CDNF: variants seen among roughly 807,000 people sequenced by gnomAD.
CDNF encodes the protein cerebral dopamine neurotrophic factor, also known as ARMET-like protein 1.
CDNF carries 9 observed loss-of-function variants against 14.8 expected under a neutral mutation model. The ratio of observed to expected loss-of-function variants is 0.61; its 90% CI spans 0.37 to 1.06. The LOEUF (loss-of-function observed/expected upper bound fraction) is 1.06, where lower values mean the gene tolerates loss of function less well. Ranked by LOEUF, CDNF falls within the 50% of genes least tolerant of loss-of-function variation. CDNF has a pLI of 0.01. For synonymous variants in CDNF, 86 were observed against 87.2 expected (o/e 0.99, Z 0.07); for missense variants, 228 against 228.4 (o/e 1.00, Z 0.01).
At chr10:14,833,090 C>T (rs899570123) in intron 1 of CDNF, among the ~76,000 whole-genome samples, 2 of 151,872 alleles carry the variant, frequency 1.3e-5, no homozygotes, top group Admixed American at 6.6e-5. Flanking sequence ...TAACTCCTGA[C>T]CTTAGGTGAT....
intron 2 of CDNF, among the ~76,000 whole-genome samples, chr10:14,826,148 G>A (rs565412659): frequency 9.4e-5 from 14 of 149,410 alleles, no homozygotes; most frequent in Non-Finnish European, 1.3e-4. Context: ...AGAAGGAGAA[G>A]GAGAAGAAGA....
At chr10:14,829,931 G>A (rs775619732) in intron 1 of CDNF, among the ~76,000 whole-genome samples, 20 of 151,916 alleles carry the variant, frequency 1.3e-4, no homozygotes, top group Non-Finnish European at 2.4e-4. Flanking sequence ...CCCAGAGTAC[G>A]TTTCTATTTG....
chr10:14,825,713 G>A, intron 2 of CDNF, 93 bp from the exon 3 acceptor site: 2 of 1,385,416 alleles, frequency 1.4e-6, no homozygotes, highest in Non-Finnish European at 1.0e-6. Context: ...AGAAGAAAGA[G>A]GTAGGCTGGA....
At chr10:14,829,436 C>T (rs981828863) in intron 1 of CDNF, among the ~76,000 whole-genome samples, 1 of 152,200 alleles carries the variant, frequency 6.6e-6, no homozygotes, top group African/African-American at 2.4e-5. Context: ...CACAGTAAGA[C>T]TCTGTCTCTG....
chr10:14,834,938 G>C (rs575277832), intron 1 of CDNF, among the ~76,000 whole-genome samples: 1 of 152,172 alleles, frequency 6.6e-6, no homozygotes, highest in African/African-American at 2.4e-5. Flanking sequence ...TGAGTAAGGA[G>C]AAAGGAGCAG....
At chr10:14,836,363 GGACA>G (rs1353112616) in intron 1 of CDNF, 3 of 152,144 alleles carry the variant, frequency 2.0e-5, no homozygotes, top group Admixed American at 1.3e-4. Flanking sequence ...AATAAATTTA[GGACA>G]GACAGCATAA....
At position 14,828,167 on chromosome 10, in the gene CDNF, G is replaced by T; in HGVS notation, c.221C>A (p.Thr74Asn). The change falls in exon 2 of 4, where the codon ACC becomes AAC. Residue 74 changes from threonine to asparagine, a missense_variant. Coordinates refer to ENST00000465530, the MANE Select transcript of CDNF (RefSeq NM_001029954.3). The part of the protein sequence containing the change: ...EKELISFCLD[T>N]KGKENRLCYY... Reference sequence around the variant, plus strand: ...TACCAGGCGGTTTTCTTTTCCTTTGGTGTCCAAGCAAAAACTGATCAATTC... The same window carrying T: ...TACCAGGCGGTTTTCTTTTCCTTTGTTGTCCAAGCAAAAACTGATCAATTC... The T allele has an allele frequency of 1.2e-6, 2 of 1,614,016 alleles. No homozygotes were observed. The highest frequency in any genetic ancestry group is 2.2e-5 in the East Asian group (1 of 44,884).
intron 1 of CDNF, among the ~76,000 whole-genome samples, chr10:14,832,890 C>T (rs570477590): frequency 3.2e-4 from 38 of 119,666 alleles, no homozygotes; most frequent in African/African-American, 1.2e-3. Context: ...GACAGAATCT[C>T]GCTGTGTTGC....
chr10:14,826,095 A>C (rs11598216), intron 2 of CDNF, among the ~76,000 whole-genome samples: 5,403 of 85,594 alleles, frequency 0.063, 161 homozygotes, highest in South Asian at 0.097. Flanking sequence ...GAAGAAGAAG[A>C]AGCAGCAGCA....
rs776234682 is a variant in CDNF at position 14,825,621 on chromosome 10, C to A, written c.244-1G>T. ...CTTTTGTGGCTCCTAGATAATAGCACTGAAGGAAAATGAAGAGAATTGAGT... is the reference window on the plus strand; with the variant it reads ...CTTTTGTGGCTCCTAGATAATAGCAATGAAGGAAAATGAAGAGAATTGAGT... On this transcript the variant is annotated splice_acceptor_variant, in intron 2 of 3. Transcript: ENST00000465530. LOFTEE classifies it high-confidence loss of function. 27 of 1,613,196 alleles carry A rather than the reference C, an allele frequency of 1.7e-5. No individual in the cohort carries two copies. The highest frequency in any genetic ancestry group is 2.2e-5 in the Non-Finnish European group (26 of 1,179,666).
chr10:14,832,328 G>C lies in CDNF; in HGVS notation c.116-4056C>G, dbSNP rs565639088. On this transcript the variant is annotated intron_variant, in intron 1 of 3. Transcript: ENST00000465530. ...CCAGAAGGCCAGTGTGGCTAAAGTA[G>C]AGGGAGCAAGAGGGAGGTGTGTAGC... is the stretch of plus-strand genomic sequence containing the variant. 3.3e-5 allele frequency among the ~76,000 whole-genome samples: 5 copies of C among 152,358 alleles called. No individual in the cohort carries two copies. The South Asian group carries it at 8.3e-4, about 25-fold the overall frequency.
At chr10:14,826,131 G>A (rs28372310) in intron 2 of CDNF, among the ~76,000 whole-genome samples, 2,253 of 102,394 alleles carry the variant, frequency 0.022, 74 homozygotes, top group African/African-American at 0.045. Flanking sequence ...GCAGAAGCAG[G>A]AGAAGGAGAA....
At chr10:14,821,999 T>C (rs1354967682) in intron 3 of CDNF, among the ~76,000 whole-genome samples, 1 of 152,230 alleles carries the variant, frequency 6.6e-6, no homozygotes, top group Non-Finnish European at 1.5e-5. Context: ...AATAAAAATG[T>C]AAAGAAATGC....
chr10:14,826,477 A>ACGAAGC (rs1234845209), intron 2 of CDNF, among the ~76,000 whole-genome samples: 8 of 135,102 alleles, frequency 5.9e-5, no homozygotes, highest in African/African-American at 2.7e-4. Context: ...GCAGAAGAAG[A>ACGAAGC]AGAAAAAGAA....
At position 14,831,649 on chromosome 10, in the gene CDNF, A is replaced by G. The variant is rs183211319; in HGVS notation, c.116-3377T>C. Among the ~76,000 whole-genome samples, 339 of 149,840 alleles carry G rather than the reference A, an allele frequency of 2.3e-3. 2 individuals are homozygous for G. The highest frequency in any genetic ancestry group is 8.0e-3 in the African/African-American group (326 of 40,672). On this transcript the variant is annotated intron_variant, in intron 1 of 3. Coordinates refer to ENST00000465530, the MANE Select transcript of CDNF (RefSeq NM_001029954.3). ...AGTGCAGTGGTGTGATCTCGGCTCA[A>G]TGCAACCTCCACCTTCTGAGGTTCA... is the stretch of plus-strand genomic sequence containing the variant.
intron 1 of CDNF, among the ~76,000 whole-genome samples, chr10:14,835,632 G>A (rs187523474): frequency 3.2e-4 from 49 of 152,118 alleles, no homozygotes; most frequent in African/African-American, 9.9e-4. Context: ...GTGCTTTTAT[G>A]TTTATTAAAG....
At chr10:14,826,122 CAGA>C (rs1214296355) in intron 2 of CDNF, among the ~76,000 whole-genome samples, 60 of 123,582 alleles carry the variant, frequency 4.9e-4, no homozygotes, top group Middle Eastern at 5.0e-3. Context: ...GCAGCAGCAG[CAGA>C]AGCAGGAGAA....
chr10:14,827,420 G>C (rs1833808294), intron 2 of CDNF, among the ~76,000 whole-genome samples: 1 of 152,032 alleles, frequency 6.6e-6, no homozygotes, highest in Non-Finnish European at 1.5e-5. Flanking sequence ...GTATGCCCAG[G>C]AAACACCATA....
At chr10:14,831,265 G>A (rs1219112675) in intron 1 of CDNF, among the ~76,000 whole-genome samples, 1 of 151,968 alleles carries the variant, frequency 6.6e-6, no homozygotes, top group East Asian at 1.9e-4. Flanking sequence ...AGATCACCTG[G>A]CTAACAAATG....
Sources: gnomAD v4.1 joint callset for allele counts (sites outside exome capture counted in the v4.1 genomes callset) on GRCh38, gnomAD v4.1.1 for gene constraint, MANE v1.5 for transcripts, NCBI Gene and HGNC (gene_info 2026-07-23, HGNC 2026-07-21) for gene names.